The following PCNA variants were observed in gnomAD, a reference collection of about 807,000 sequenced individuals.
PCNA encodes DNA sliding clamp PCNA.
PCNA carries 4 observed loss-of-function variants against 27.8 expected under a neutral mutation model. That is an observed-to-expected ratio of 0.14 (90% CI 0.07 to 0.33). The LOEUF is 0.33. Ranked by LOEUF, PCNA falls within the 10% of genes least tolerant of loss-of-function variation. The probability of loss-of-function intolerance (pLI) is 1.00; values close to 1 mark genes in which losing one functional copy is unlikely to be tolerated. For missense variants in PCNA, 165 were observed against 327.4 expected, an observed-to-expected ratio of 0.50 and a Z score of 3.83; for synonymous variants, 121 against 119.4, an observed-to-expected ratio of 1.01 and a Z score of -0.09.
At chr20:5,120,892 C>T (rs1003717548), upstream of PCNA, among the ~76,000 whole-genome samples, 2 of 152,150 alleles carry the variant, frequency 1.3e-5, no homozygotes, top group African/African-American at 4.8e-5. Context: ...TTGCAACCTC[C>T]GCCTCCCAGG....
At chr20:5,116,942 T>G (rs985761277) in intron 4 of PCNA, among the ~76,000 whole-genome samples, 1 of 152,232 alleles carries the variant, frequency 6.6e-6, no homozygotes, top group Non-Finnish European at 1.5e-5. Flanking sequence ...AGAAGTCTCC[T>G]TCCTGTTTAA....
intron 1 of PCNA, 151 bp from the exon 2 acceptor site, chr20:5,119,017 A>C (rs779762293): frequency 4.8e-6 from 3 of 623,074 alleles, no homozygotes; most frequent in African/African-American, 1.8e-5. Flanking sequence ...GCCATTATTA[A>C]TGCAGACGTT....
At chr20:5,117,863 G>A (rs1473055634) in intron 3 of PCNA, among the ~76,000 whole-genome samples, 199 bp from the exon 4 acceptor site, 1 of 152,194 alleles carries the variant, frequency 6.6e-6, no homozygotes, top group Non-Finnish European at 1.5e-5. Flanking sequence ...GGGAACAAGA[G>A]CCTCCTCCTC....
chr20:5,122,780 T>C (rs1455874876), upstream of PCNA, among the ~76,000 whole-genome samples: 1 of 152,228 alleles, frequency 6.6e-6, no homozygotes. Flanking sequence ...GCTTACATAA[T>C]AACATTTTGG....
upstream of PCNA, among the ~76,000 whole-genome samples, chr20:5,121,067 C>T (rs1029905806): frequency 3.9e-5 from 6 of 152,304 alleles, no homozygotes; most frequent in Non-Finnish European, 8.8e-5. Flanking sequence ...AGGTGATCCA[C>T]CTGCCTCGGC....
Position 5,115,429 on chromosome 20 carries a change from G to T in PCNA, c.706+20C>A, listed in dbSNP as rs754675113. 19 of 1,613,772 alleles carry T rather than the reference G, an allele frequency of 1.2e-5. No individual in the cohort carries two copies. Among genetic ancestry groups the T allele is most frequent in the Admixed American group, 1.7e-5 (1 of 59,994 alleles). On this transcript the variant is annotated intron_variant, in intron 5 of 5. Transcript: ENST00000379143. ...CACATATGACTACCTACAAAACAAG[G>T]TTCAAATTTATTATCTTACCAAGGG...
Position 5,119,941 on chromosome 20 carries a change from C to T in PCNA, c.-143G>A, listed in dbSNP as rs36228616. The T allele has an allele frequency of 1.2e-3, 775 of 654,094 alleles. 8 individuals are homozygous for T. Among genetic ancestry groups the T allele is most frequent in the Middle Eastern group, 7.5e-3 (18 of 2,406 alleles). 40.5% of individuals were successfully genotyped at this position (654,094 alleles called of 1,614,324 possible). On this transcript the variant is annotated 5_prime_UTR_variant, in exon 1 of 6. Coordinates refer to ENST00000379143, the MANE Select transcript of PCNA (RefSeq NM_182649.2). ...TAGAAAGACAACGACCACTCTGCTACGCCTGCAACCGTTTAATGCCGCCGC... is the reference window on the plus strand; with the variant it reads ...TAGAAAGACAACGACCACTCTGCTATGCCTGCAACCGTTTAATGCCGCCGC...
At chr20:5,126,468 CT>C (rs1568522789) in intron 1 of PCNA, 1 of 152,282 alleles carries the variant, frequency 6.6e-6, no homozygotes, top group Non-Finnish European at 1.5e-5. Context: ...CTCACCTGGC[CT>C]TTCCATTCGA....
At chr20:5,121,931 T>G (rs996208944), upstream of PCNA, among the ~76,000 whole-genome samples, 7 of 151,826 alleles carry the variant, frequency 4.6e-5, no homozygotes, top group African/African-American at 1.7e-4. Context: ...AGCCTCAAAC[T>G]GTTACACAAT....
upstream of PCNA, among the ~76,000 whole-genome samples, chr20:5,124,040 C>T (rs1908811054): frequency 6.6e-6 from 1 of 152,124 alleles, no homozygotes; most frequent in African/African-American, 2.4e-5. Context: ...TCTTCATAAA[C>T]GTGAAGTTTG....
At chr20:5,119,552 C>A (rs756313412) in intron 1 of PCNA, 26 bp downstream of exon 1, 2 of 1,590,680 alleles carry the variant, frequency 1.3e-6, no homozygotes, top group Admixed American at 1.7e-5. Flanking sequence ...GGGCCGGGGC[C>A]GGCTTCCCGG....
At chr20:5,126,051 T>G (rs891804362) in intron 1 of PCNA, among the ~76,000 whole-genome samples, 1 of 152,126 alleles carries the variant, frequency 6.6e-6, no homozygotes, top group Non-Finnish European at 1.5e-5. Flanking sequence ...CTGACCAATA[T>G]GGTGAAACCC....
In PCNA at chr20:5,119,673, C is replaced by T. The variant is rs376961323; in HGVS notation, c.126G>A (p.Ser42=). The change falls in exon 1 of 6, where the codon TCG becomes TCA. Residue 42 remains serine (S), a synonymous_variant. Transcript: ENST00000379143. ...SSGVNLQSMD[S]SHVSLVQLTL... ...TGAGCTGCACCAAAGAGACGTGGGA[C>T]GAGTCCATGCTCTGCAGGTTTACAC... The T allele has an allele frequency of 2.5e-6, 4 of 1,612,624 alleles. No individual in the cohort carries two copies. The highest frequency in any genetic ancestry group is 3.4e-6 in the Non-Finnish European group (4 of 1,179,448).
At chr20:5,125,270 C>T (rs1193589667) in intron 1 of PCNA, among the ~76,000 whole-genome samples, 3 of 152,140 alleles carry the variant, frequency 2.0e-5, no homozygotes, top group Non-Finnish European at 2.9e-5. Flanking sequence ...ATATATAATG[C>T]TGTTTTCAGA....
At chr20:5,120,732 G>A (rs2090513346), upstream of PCNA, among the ~76,000 whole-genome samples, 1 of 152,052 alleles carries the variant, frequency 6.6e-6, no homozygotes. Flanking sequence ...TGAGCACTTA[G>A]GCAATTTTGG....
Position 5,115,004 on chromosome 20 carries a change from A to G in PCNA, c.*279T>C, listed in dbSNP as rs930629892. On this transcript the variant is annotated 3_prime_UTR_variant, in exon 6 of 6. Coordinates refer to ENST00000379143, the MANE Select transcript of PCNA (RefSeq NM_182649.2). The stretch of plus-strand genomic sequence containing the variant: ...TTTAAATTCAAAAACAATTCTTAAA[A>G]CTGCATTTAGAGTCAAGACCCTTTT... 7.5e-6 allele frequency: 2 copies of G among 265,018 alleles called. No individual in the cohort carries two copies. The highest frequency in any genetic ancestry group is 1.5e-5 in the Non-Finnish European group (2 of 137,804). The allele number at this position is 265,018 out of a possible 1,614,324, so 16.4% of individuals were successfully genotyped here.
intron 4 of PCNA, among the ~76,000 whole-genome samples, chr20:5,116,588 C>T (rs1423964780): frequency 1.3e-5 from 2 of 152,196 alleles, no homozygotes; most frequent in African/African-American, 2.4e-5. Flanking sequence ...TTAATCCTAA[C>T]AAGGTTATGA....
At chr20:5,116,217 C>T (rs2090473969) in intron 4 of PCNA, among the ~76,000 whole-genome samples, 2 of 152,172 alleles carry the variant, frequency 1.3e-5, no homozygotes, top group Admixed American at 1.3e-4. Context: ...GTAGTCCCGG[C>T]TACTTGGGAA....
chr20:5,119,022 G>A (rs1309961701), intron 1 of PCNA, among the ~76,000 whole-genome samples, 156 bp from the exon 2 acceptor site: 2 of 152,092 alleles, frequency 1.3e-5, no homozygotes, highest in Non-Finnish European at 2.9e-5. Context: ...TATTAATGCA[G>A]ACGTTTTGGG....
Sources: gnomAD v4.1 joint callset for allele counts (sites outside exome capture counted in the v4.1 genomes callset) on GRCh38, gnomAD v4.1.1 for gene constraint, MANE v1.5 for transcripts, NCBI Gene and HGNC (gene_info 2026-07-23, HGNC 2026-07-21) for gene names.